MVB12B: variants seen among roughly 807,000 people sequenced by gnomAD.
MVB12B encodes the protein ESCRT-I complex subunit MVB12B.
A neutral mutation model predicts 41.6 loss-of-function variants in MVB12B; 16 were observed. The ratio of observed to expected loss-of-function variants is 0.38; its 90% CI spans 0.26 to 0.58. The LOEUF (loss-of-function observed/expected upper bound fraction) is 0.58, where lower values mean the gene tolerates loss of function less well. Ranked by LOEUF, MVB12B falls within the 20% of genes least tolerant of loss-of-function variation. MVB12B has a pLI of 0.62. For synonymous variants in MVB12B, 133 were observed against 139.7 expected (o/e 0.95, Z 0.34); for missense variants, 274 against 380.2 (o/e 0.72, Z 2.32).
chr9:126,353,375 G>A (rs1302997544), intron 2 of MVB12B, among the ~76,000 whole-genome samples: 2 of 152,152 alleles, frequency 1.3e-5, no homozygotes, highest in Admixed American at 1.3e-4. Flanking sequence ...AGTTTGGTCT[G>A]TATCCCTCCA....
chr9:126,366,571 T>C (rs1385483581), intron 2 of MVB12B, among the ~76,000 whole-genome samples: 6 of 152,208 alleles, frequency 3.9e-5, no homozygotes, highest in African/African-American at 1.4e-4. Flanking sequence ...TTGCATCATA[T>C]TTTCTTATTG....
rs191459444 is a variant in MVB12B at position 126,392,449 on chromosome 9, T to A, written c.539+254T>A. Among the ~76,000 whole-genome samples the A allele has an allele frequency of 1.5e-3, 229 of 152,290 alleles. No homozygotes were observed. Among genetic ancestry groups the A allele is most frequent in the African/African-American group, 5.4e-3 (224 of 41,560 alleles). On this transcript the variant is annotated intron_variant, in intron 5 of 9. Transcript: ENST00000361171. This position sits in a 1 kb window ranked among gnomAD's most constrained non-coding sequence, Gnocchi z 4.8. ...CATTCAGCCTTGAAGCTCCTCTGGG[T>A]CCTTCCCCGACACCCTGTGATGCCA...
intron 9 of MVB12B, among the ~76,000 whole-genome samples, chr9:126,498,552 TG>T (rs1165359232): frequency 1.3e-5 from 2 of 152,226 alleles, no homozygotes; most frequent in Non-Finnish European, 2.9e-5. Context: ...GCCCCCATGC[TG>T]GAGTTGCACC....
rs552414096 is a variant in MVB12B at position 126,449,423 on chromosome 9, G to A, written c.757+27475G>A. On this transcript the variant is annotated intron_variant, in intron 7 of 9. Transcript: ENST00000361171. ...TGCAGGTTTGCTGTCTGACAGACAG[G>A]TCTGGCCTCCCTGGCTTCCTGTCAT... 2.6e-5 allele frequency among the ~76,000 whole-genome samples: 4 copies of A among 151,936 alleles called. No homozygotes were observed. In the South Asian group the frequency reaches 6.3e-4, roughly 24 times the overall value.
intron 9 of MVB12B, 30 bp from the exon 10 acceptor site, chr9:126,503,147 G>A: frequency 2.0e-6 from 3 of 1,536,106 alleles, no homozygotes; most frequent in Non-Finnish European, 2.6e-6. Flanking sequence ...TGGACTGACT[G>A]TGTCTCTCTG....
chr9:126,475,840 G>T (rs1299625381), intron 7 of MVB12B, among the ~76,000 whole-genome samples: 1 of 152,198 alleles, frequency 6.6e-6, no homozygotes, highest in Non-Finnish European at 1.5e-5. Context: ...GGACAGCCTG[G>T]ACAGTGAGAC....
intron 2 of MVB12B, among the ~76,000 whole-genome samples, chr9:126,358,513 A>C (rs1255664405): frequency 6.6e-6 from 1 of 152,126 alleles, no homozygotes; most frequent in Non-Finnish European, 1.5e-5. Context: ...TTTAGTGTAA[A>C]GTCTGCAGAT....
chr9:126,350,924 C>A (rs1829728514), intron 2 of MVB12B, among the ~76,000 whole-genome samples: 1 of 152,148 alleles, frequency 6.6e-6, no homozygotes, highest in Admixed American at 6.5e-5. Flanking sequence ...CTACAAAAAA[C>A]TTGTTGGGGT....
intron 7 of MVB12B, among the ~76,000 whole-genome samples, chr9:126,437,600 T>C (rs776767317): frequency 5.3e-5 from 8 of 152,232 alleles, no homozygotes; most frequent in Admixed American, 2.0e-4. Context: ...GTTGTGGGGA[T>C]TTTAAATGCT....
chr9:126,489,727 C>T (rs984258057), intron 9 of MVB12B, among the ~76,000 whole-genome samples: 2 of 152,214 alleles, frequency 1.3e-5, no homozygotes, highest in Non-Finnish European at 2.9e-5. Flanking sequence ...GCCATGTGCT[C>T]CTGCCACCTC....
At chr9:126,502,917 G>A (rs913375504) in intron 9 of MVB12B, among the ~76,000 whole-genome samples, 1 of 152,208 alleles carries the variant, frequency 6.6e-6, no homozygotes, top group African/African-American at 2.4e-5. Flanking sequence ...CAGGGAGCAG[G>A]CAGGCACTGT....
chr9:126,366,383 T>A (rs567076727), intron 2 of MVB12B, among the ~76,000 whole-genome samples: 13 of 152,190 alleles, frequency 8.5e-5, no homozygotes, highest in Non-Finnish European at 1.3e-4. Flanking sequence ...AACTAGTACA[T>A]GTTCATTATG....
rs1431340548 is a variant in MVB12B, at chr9:126,468,550, G to GTCTC, written c.758-12817_758-12814dup. On this transcript the variant is annotated intron_variant, in intron 7 of 9. Coordinates refer to ENST00000361171, the MANE Select transcript of MVB12B (RefSeq NM_033446.3). This position sits in a 1 kb window ranked among gnomAD's most constrained non-coding sequence, Gnocchi z 4.3. ...TTGCCCCTCTGCAGCCAGTGGCCAG[G>GTCTC]TCTCTTGATTCTTCCATCTAAATGT... Among the ~76,000 whole-genome samples, 1 of 152,156 alleles carries GTCTC rather than the reference G, an allele frequency of 6.6e-6. No homozygotes were observed. The highest frequency in any genetic ancestry group is 1.5e-5 in the Non-Finnish European group (1 of 68,036).
intron 2 of MVB12B, among the ~76,000 whole-genome samples, chr9:126,362,211 C>T (rs888407052): frequency 6.6e-6 from 1 of 152,084 alleles, no homozygotes; most frequent in African/African-American, 2.4e-5. Context: ...TCAGTTCTCC[C>T]TTTCTGGGAC....
intron 7 of MVB12B, among the ~76,000 whole-genome samples, chr9:126,460,010 G>A (rs1365537707): frequency 3.9e-5 from 6 of 152,294 alleles, no homozygotes; most frequent in African/African-American, 4.8e-5. Context: ...TTCCCCAGCC[G>A]TGGCCTCTGC....
chr9:126,377,746 G>A (rs774647712), intron 2 of MVB12B, among the ~76,000 whole-genome samples: 3 of 152,082 alleles, frequency 2.0e-5, no homozygotes, highest in Non-Finnish European at 2.9e-5. Flanking sequence ...GATGTTCCTC[G>A]TACAAGTATA....
chr9:126,454,417 T>C (rs76454096), intron 7 of MVB12B, among the ~76,000 whole-genome samples: 2,214 of 152,368 alleles, frequency 0.015, 15 homozygotes, highest in Middle Eastern at 0.031. Context: ...TTGATTTTTT[T>C]GTTAATGGGA....
Position 126,419,446 on chromosome 9 carries a change from C to A in MVB12B, c.663-2408C>A, listed in dbSNP as rs555791396. Among the ~76,000 whole-genome samples, 27 of 152,294 alleles carry A rather than the reference C, an allele frequency of 1.8e-4. 1 individual carries two copies. Among genetic ancestry groups the A allele is most frequent in the Admixed American group, 8.5e-4 (13 of 15,298 alleles). On this transcript the variant is annotated intron_variant, in intron 6 of 9. Transcript: ENST00000361171. Reference sequence around the variant, plus strand: ...GAATAAGGACCCCATGTTTTCAACACGCACTGGGCCGCGCATATTGTGTAG... The same window carrying A: ...GAATAAGGACCCCATGTTTTCAACAAGCACTGGGCCGCGCATATTGTGTAG...
intron 1 of MVB12B, among the ~76,000 whole-genome samples, chr9:126,339,988 C>G (rs574988809): frequency 3.5e-4 from 54 of 152,168 alleles, no homozygotes; most frequent in Non-Finnish European, 6.3e-4. Flanking sequence ...CAACACCATT[C>G]CTTCACCTGA....
Sources: gnomAD v4.1 joint callset for allele counts (sites outside exome capture counted in the v4.1 genomes callset) on GRCh38, gnomAD v4.1.1 for gene constraint, Gnocchi (gnomAD v3.1) non-coding constraint, MANE v1.5 for transcripts, NCBI Gene and HGNC (gene_info 2026-07-23, HGNC 2026-07-21) for gene names.